Variants in PPDPFL observed in about 807,000 individuals in gnomAD.
The protein encoded by PPDPFL is pancreatic progenitor cell differentiation and proliferation factor like, also known as pancreatic progenitor cell differentiation and proliferation factor-like protein.
Under a neutral mutation model 12.6 loss-of-function variants are expected in PPDPFL, and 12 were observed. The ratio of observed to expected loss-of-function variants is 0.95; its 90% CI spans 0.61 to 1.54. PPDPFL has a LOEUF of 1.54. PPDPFL is among the 40% of genes most tolerant of loss of function. The pLI is 0.00. For missense variants in PPDPFL, 114 were observed against 96.0 expected, an observed-to-expected ratio of 1.19 and a Z score of -0.78; for synonymous variants, 24 against 32.7, an observed-to-expected ratio of 0.73 and a Z score of 0.91.
intron 1 of PPDPFL, among the ~76,000 whole-genome samples, chr8:49,058,840 G>C (rs543720064): frequency 6.6e-6 from 1 of 152,158 alleles, no homozygotes; most frequent in African/African-American, 2.4e-5. Flanking sequence ...TCAGAGGGCT[G>C]AGCGCCACCT....
intron 1 of PPDPFL, among the ~76,000 whole-genome samples, chr8:49,061,173 C>T (rs1808195249): frequency 6.6e-6 from 1 of 152,042 alleles, no homozygotes; most frequent in South Asian, 2.1e-4. Flanking sequence ...ATGTTGATGT[C>T]TTAACCTTAT....
At chr8:49,056,971 C>T (rs568125852) in intron 1 of PPDPFL, among the ~76,000 whole-genome samples, 3 of 152,208 alleles carry the variant, frequency 2.0e-5, no homozygotes, top group South Asian at 2.1e-4. Context: ...ACAGATACCC[C>T]GTTTCTAGAT....
chr8:49,060,339 G>A (rs1808178701), intron 1 of PPDPFL, among the ~76,000 whole-genome samples: 1 of 152,078 alleles, frequency 6.6e-6, no homozygotes, highest in African/African-American at 2.4e-5. Flanking sequence ...TTGAGACAGA[G>A]TTTCGGTCTT....
chr8:49,064,912 C>A (rs948885986), intron 1 of PPDPFL, among the ~76,000 whole-genome samples: 15 of 152,106 alleles, frequency 9.9e-5, no homozygotes, highest in African/African-American at 3.4e-4. Flanking sequence ...TTTGATAATT[C>A]TTTGGTCTTA....
chr8:49,075,109 T>C (rs745755894), intron 4 of PPDPFL, 43 bp from the exon 5 acceptor site: 7 of 1,605,888 alleles, frequency 4.4e-6, no homozygotes, highest in Non-Finnish European at 5.9e-6. Context: ...CAGTGTTTCA[T>C]TTATTTATCC....
At chr8:49,062,202 C>T (rs988524437) in intron 1 of PPDPFL, among the ~76,000 whole-genome samples, 1 of 152,120 alleles carries the variant, frequency 6.6e-6, no homozygotes, top group African/African-American at 2.4e-5. Flanking sequence ...GGAGCTGGCT[C>T]AAGGAGTGCC....
intron 1 of PPDPFL, among the ~76,000 whole-genome samples, chr8:49,061,751 T>TA (rs1033783443): frequency 6.6e-6 from 1 of 152,086 alleles, no homozygotes; most frequent in Non-Finnish European, 1.5e-5. Context: ...GGCTAAATGA[T>TA]AAAAAAGCTG....
Position 49,075,329 on chromosome 8 carries a change from T to G in PPDPFL, c.*156T>G. 1 of 1,450,550 alleles carries G rather than the reference T, an allele frequency of 6.9e-7. No individual in the cohort carries two copies. The allele number at this position is 1,450,550 out of a possible 1,614,324, so 89.9% of individuals were successfully genotyped here. Reference sequence around the variant, plus strand: ...TTCAGCGCCCCAGCTATTCCAGGACTCTTCTCCATTGTAAGAAGACAGAAA... The same window carrying G: ...TTCAGCGCCCCAGCTATTCCAGGACGCTTCTCCATTGTAAGAAGACAGAAA... On this transcript the variant is annotated 3_prime_UTR_variant, in exon 5 of 5. Coordinates refer to ENST00000522267, the MANE Select transcript of PPDPFL (RefSeq NM_001256597.2).
At chr8:49,068,789 T>A (rs904036454), upstream of PPDPFL, among the ~76,000 whole-genome samples, 8 of 152,152 alleles carry the variant, frequency 5.3e-5, no homozygotes, top group African/African-American at 1.9e-4. Flanking sequence ...AATTTACATT[T>A]ATATTAAGGT....
Position 49,075,592 on chromosome 8 carries a change from G to T in PPDPFL, c.*419G>T. The T allele has an allele frequency of 3.4e-6, 1 of 297,584 alleles. No homozygotes were observed. Among genetic ancestry groups the T allele is most frequent in the Non-Finnish European group, 6.3e-6 (1 of 158,930 alleles). 18.4% of individuals were successfully genotyped at this position (297,584 alleles called of 1,614,324 possible). On this transcript the variant is annotated 3_prime_UTR_variant, in exon 5 of 5. Transcript: ENST00000522267. ...TATCATTTTTATTAAAAAAACTTAA[G>T]TTAGACTCTTTTTCTGTCTGTTGAG...
intron 1 of PPDPFL, among the ~76,000 whole-genome samples, chr8:49,057,180 G>T (rs534816043): frequency 3.9e-5 from 6 of 152,106 alleles, no homozygotes; most frequent in African/African-American, 1.4e-4. Flanking sequence ...TTGTTTTAGC[G>T]AATGCACATT....
chr8:49,055,723 T>G (rs935834849), intron 1 of PPDPFL, among the ~76,000 whole-genome samples: 2 of 152,146 alleles, frequency 1.3e-5, no homozygotes, highest in African/African-American at 4.8e-5. Context: ...CAGATTTGAC[T>G]GTCCAAAGTA....
intron 1 of PPDPFL, among the ~76,000 whole-genome samples, chr8:49,062,892 C>T (rs1390519336): frequency 6.6e-6 from 1 of 152,150 alleles, no homozygotes; most frequent in African/African-American, 2.4e-5. Context: ...TTAGACACTT[C>T]TCAGACCCAG....
At position 49,075,250 on chromosome 8, in the gene PPDPFL, C is replaced by G. The variant is rs367751046; in HGVS notation, c.*77C>G. 8.1e-5 allele frequency: 131 copies of G among 1,613,838 alleles called. No individual in the cohort carries two copies. The highest frequency in any genetic ancestry group is 1.1e-4 in the Non-Finnish European group (127 of 1,179,866). On this transcript the variant is annotated 3_prime_UTR_variant, in exon 5 of 5. Coordinates refer to ENST00000522267, the MANE Select transcript of PPDPFL (RefSeq NM_001256597.2). ...CCTTATGTAGCATGAACAGTTGATT[C>G]TGACAATCAAGATCCTCTGCCTGCT...
intron 1 of PPDPFL, among the ~76,000 whole-genome samples, chr8:49,058,945 G>C (rs1808153562): frequency 6.6e-6 from 1 of 152,124 alleles, no homozygotes; most frequent in Admixed American, 6.5e-5. Flanking sequence ...CTAATGGCAG[G>C]GATATATGCA....
chr8:49,065,405 T>C (rs778903181), intron 1 of PPDPFL, among the ~76,000 whole-genome samples: 52 of 152,266 alleles, frequency 3.4e-4, no homozygotes, highest in Non-Finnish European at 5.9e-4. Context: ...TTGGTAATAA[T>C]TGATCAAAAA....
rs58245068 is a variant in PPDPFL at position 49,063,713 on chromosome 8, G to GA, written c.-44-9064dup. Among the ~76,000 whole-genome samples the GA allele has an allele frequency of 3.5e-3, 526 of 148,338 alleles. 3 individuals are homozygous for GA. The highest frequency in any genetic ancestry group is 9.6e-3 in the African/African-American group (388 of 40,472). On this transcript the variant is annotated intron_variant, in intron 1 of 4. Coordinates refer to the PPDPFL transcript ENST00000517663. Reference sequence around the variant, plus strand: ...AGCCTGGGTGTCAGAGTGAGACCCTGAAAAAAAAAAGTATATATAAAAAAT... The same window carrying GA: ...AGCCTGGGTGTCAGAGTGAGACCCTGAAAAAAAAAAAGTATATATAAAAAAT...
chr8:49,071,390 G>A (rs1014513982), upstream of PPDPFL, among the ~76,000 whole-genome samples: 4 of 152,166 alleles, frequency 2.6e-5, no homozygotes, highest in Non-Finnish European at 4.4e-5. Context: ...GGGCGCAGTG[G>A]CTTACGCCTG....
intron 1 of PPDPFL, chr8:49,054,448 A>C (rs1808081360): frequency 6.6e-6 from 1 of 152,198 alleles, no homozygotes; most frequent in Admixed American, 6.5e-5. Context: ...AGAATACAAG[A>C]TACAATACAT....
Sources: allele counts gnomAD v4.1 joint callset (sites outside exome capture counted in the v4.1 genomes callset), GRCh38; gene constraint gnomAD v4.1.1; transcripts MANE v1.5; gene names NCBI Gene and HGNC (gene_info 2026-07-23, HGNC 2026-07-21).